GPHN: variants seen among roughly 807,000 people sequenced by gnomAD.
GPHN encodes gephyrin.
Under a neutral mutation model 95.5 loss-of-function variants are expected in GPHN, and 17 were observed. The observed-to-expected ratio is 0.18, with a 90% confidence interval of 0.12 to 0.27. GPHN has a LOEUF of 0.27. GPHN is among the 10% of genes least tolerant of loss of function. GPHN has a pLI of 1.00. For synonymous variants in GPHN, 320 were observed against 322.5 expected, an observed-to-expected ratio of 0.99 and a Z score of 0.08; for missense variants, 660 against 978.1, an observed-to-expected ratio of 0.67 and a Z score of 4.34.
At chr14:66,587,384 G>A (rs1225611914) in intron 1 of GPHN, among the ~76,000 whole-genome samples, 2 of 152,188 alleles carry the variant, frequency 1.3e-5, no homozygotes, top group East Asian at 3.9e-4. Flanking sequence ...ATTTTAAGAG[G>A]CCTGTATGAC....
At position 67,144,270 on chromosome 14, in the gene GPHN, T is replaced by TAC. The variant is rs1567400926; in HGVS notation, c.1836+822_1836+823insCA. On this transcript the variant is annotated intron_variant, in intron 18 of 22. Transcript: ENST00000478722. ...AAAAAAATATATATATATATATATA[T>TAC]ATATATATATATATATACACACACA... is the stretch of plus-strand genomic sequence containing the variant. Among the ~76,000 whole-genome samples the TAC allele has an allele frequency of 8.4e-4, 96 of 114,112 alleles. 13 individuals are homozygous for TAC. Among genetic ancestry groups the TAC allele is most frequent in the African/African-American group, 3.1e-3 (86 of 27,576 alleles). The allele number at this position is 114,112 out of a possible 152,430, so 74.9% of individuals were successfully genotyped here.
intron 2 of GPHN, among the ~76,000 whole-genome samples, chr14:66,723,986 T>TACACACACACAC (rs371629259): frequency 3.1e-5 from 4 of 127,860 alleles, no homozygotes; most frequent in African/African-American, 5.8e-5. Flanking sequence ...CATGCATACA[T>TACACACACACAC]ACACACACAC....
chr14:67,393,322 G>A, the GPHN span: 217 of 933,746 alleles, frequency 2.3e-4, no homozygotes, highest in Non-Finnish European at 3.6e-4. Context: ...CACTGCTAAG[G>A]GTATAAAGCA....
At chr14:66,594,821 A>G (rs1322117902) in intron 1 of GPHN, among the ~76,000 whole-genome samples, 2 of 152,186 alleles carry the variant, frequency 1.3e-5, no homozygotes, top group African/African-American at 2.4e-5. Context: ...GACAAATAGG[A>G]TGACATCAAA....
At chr14:67,477,248 T>C in the GPHN span, among the ~76,000 whole-genome samples, 3 of 152,218 alleles carry the variant, frequency 2.0e-5, no homozygotes, top group Non-Finnish European at 4.4e-5. Flanking sequence ...TCAAGATTCT[T>C]CATGACCTTG....
chr14:66,929,081 A>T (rs2066643499), intron 8 of GPHN, among the ~76,000 whole-genome samples: 1 of 140,464 alleles, frequency 7.1e-6, no homozygotes. Flanking sequence ...TTTAAGATAG[A>T]GTCTTGCTTT....
intron 17 of GPHN, chr14:67,143,057 C>G: frequency 2.8e-6 from 1 of 359,942 alleles, no homozygotes; most frequent in Non-Finnish European, 5.4e-6. Context: ...TATTCCTAGG[C>G]AAACCAGGAT....
At chr14:67,014,294 TGAGA>T (rs1567213824) in intron 9 of GPHN, among the ~76,000 whole-genome samples, 1 of 152,170 alleles carries the variant, frequency 6.6e-6, no homozygotes, top group East Asian at 1.9e-4. Flanking sequence ...AAATATCTTA[TGAGA>T]TAGATGTTAT....
At chr14:67,458,919 C>T in the GPHN span, among the ~76,000 whole-genome samples, 1 of 152,104 alleles carries the variant, frequency 6.6e-6, no homozygotes, top group African/African-American at 2.4e-5. Context: ...TGGAGTCTTG[C>T]TCTTGTCGCC....
the GPHN span, chr14:67,201,360 A>G: frequency 9.5e-6 from 4 of 420,250 alleles, no homozygotes; most frequent in Non-Finnish European, 1.9e-5. Flanking sequence ...ATAGAGTGAA[A>G]GAGCCCCAGG....
At position 66,786,658 on chromosome 14, in the gene GPHN, A is replaced by G. The variant is rs1406678141; in HGVS notation, c.201+10137A>G. ...TTATCAATTACATGCAACAATGTAT[A>G]AAAAGAATTAAGTGCCACGACAATT... On this transcript the variant is annotated intron_variant, in intron 3 of 22. Coordinates refer to ENST00000478722, the MANE Select transcript of GPHN (RefSeq NM_020806.5). Among the ~76,000 whole-genome samples, 7 of 152,154 alleles carry G rather than the reference A, an allele frequency of 4.6e-5. No homozygotes were observed. The East Asian group carries it at 1.3e-3, about 29-fold the overall frequency.
At chr14:67,195,523 A>G in the GPHN span, among the ~76,000 whole-genome samples, 11 of 152,054 alleles carry the variant, frequency 7.2e-5, no homozygotes, top group African/African-American at 2.7e-4. Context: ...AGTATGCAGT[A>G]TTTTCATTTT....
At chr14:67,220,947 G>T in the GPHN span, among the ~76,000 whole-genome samples, 6 of 152,254 alleles carry the variant, frequency 3.9e-5, no homozygotes, top group East Asian at 1.2e-3. Flanking sequence ...TAGGATAATA[G>T]CTAAGATAAT....
the GPHN span, chr14:67,340,590 T>C: frequency 8.1e-7 from 1 of 1,235,990 alleles, no homozygotes; most frequent in African/African-American, 1.5e-5. Flanking sequence ...TGCTCATTTG[T>C]ATAACAGTTA....
At chr14:66,869,457 T>C (rs2063346707) in intron 4 of GPHN, among the ~76,000 whole-genome samples, 1 of 152,234 alleles carries the variant, frequency 6.6e-6, no homozygotes, top group Admixed American at 6.5e-5. Flanking sequence ...GTCTTTGTAC[T>C]CAGCTCTTGC....
chr14:67,199,880 G>A, the GPHN span: 1 of 1,490,448 alleles, frequency 6.7e-7, no homozygotes, highest in Non-Finnish European at 9.0e-7. Context: ...GCAGGACATG[G>A]CCCCCCATCG....
At chr14:66,938,174 G>T (rs887378347) in intron 8 of GPHN, among the ~76,000 whole-genome samples, 2 of 152,120 alleles carry the variant, frequency 1.3e-5, no homozygotes, top group African/African-American at 4.8e-5. Flanking sequence ...CTGTTTAAAA[G>T]GAAGACATTC....
chr14:67,668,285 T>C, the GPHN span, among the ~76,000 whole-genome samples: 1 of 152,210 alleles, frequency 6.6e-6, no homozygotes, highest in African/African-American at 2.4e-5. Context: ...GAGAGACCTC[T>C]TCAGAGGTTG....
intron 4 of GPHN, among the ~76,000 whole-genome samples, chr14:66,825,524 C>T: frequency 6.6e-6 from 1 of 152,082 alleles, no homozygotes; most frequent in East Asian, 1.9e-4. Flanking sequence ...CCCCCCACCC[C>T]TAGAGTTTCT....
Sources: allele counts gnomAD v4.1 joint callset (sites outside exome capture counted in the v4.1 genomes callset), GRCh38; gene constraint gnomAD v4.1.1; transcripts MANE v1.5; gene names NCBI Gene and HGNC (gene_info 2026-07-23, HGNC 2026-07-21).